The following EED variants were observed in gnomAD, a reference collection of about 807,000 sequenced individuals.
EED encodes the protein polycomb protein EED.
In EED, 9 loss-of-function variants were observed where a neutral mutation model predicts 61.0. The observed-to-expected ratio is 0.15, with a 90% CI of 0.09 to 0.26. EED has a LOEUF of 0.26. EED is among the 10% of genes least tolerant of loss of function. The pLI is 1.00. For missense variants in EED, 315 were observed against 542.3 expected, an observed-to-expected ratio of 0.58 and a Z score of 4.16; for synonymous variants, 187 against 174.4, an observed-to-expected ratio of 1.07 and a Z score of -0.57.
In EED at chr11:86,261,115, G is replaced by C. The variant is rs113200901; in HGVS notation, c.635-3057G>C. ...AAATTCAAATCCTCAATCAGATATG[G>C]GTGAGACTCAAGGCAGGATTCCTGC... On this transcript the variant is annotated intron_variant, in intron 6 of 11. Transcript: ENST00000263360. 4.4e-3 allele frequency among the ~76,000 whole-genome samples: 675 copies of C among 152,142 alleles called. 4 individuals are homozygous for C. Among genetic ancestry groups the C allele is most frequent in the Non-Finnish European group, 7.3e-3 (496 of 67,990 alleles).
chr11:86,249,120 T>A (rs1388809208), intron 1 of EED, among the ~76,000 whole-genome samples: 1 of 152,204 alleles, frequency 6.6e-6, no homozygotes, highest in African/African-American at 2.4e-5. Flanking sequence ...TTTCTACGTT[T>A]GATGTTAATT....
rs578160736 is a variant in EED at position 86,257,243 on chromosome 11, G to T, written c.553-272G>T. Among the ~76,000 whole-genome samples the T allele has an allele frequency of 1.2e-4, 18 of 149,504 alleles. No individual in the cohort carries two copies. In the South Asian group the frequency reaches 3.8e-3, roughly 32 times the overall value. On this transcript the variant is annotated intron_variant, in intron 5 of 11. Transcript: ENST00000263360. ...TATGAAGATAGGGTCTTGCTGCATT[G>T]CTCTGACTGGTCTTGAACTCCTGAC...
Position 86,244,965 on chromosome 11 carries a change from G to GCATCATTA in EED, c.-265_-264insCATCATTA. On this transcript the variant is annotated 5_prime_UTR_variant, in exon 1 of 12. Coordinates refer to ENST00000263360, the MANE Select transcript of EED (RefSeq NM_003797.5). Reference sequence around the variant, plus strand: ...GTGTAGACTGCCGGGAGGGCGGCGGGAAAAGGGCAAGACGGGAGTTGGGGA... The same window carrying GCATCATTA: ...GTGTAGACTGCCGGGAGGGCGGCGGGCATCATTAAAAAGGGCAAGACGGGAGTTGGGGA... 1 of 393,294 alleles carries GCATCATTA rather than the reference G, an allele frequency of 2.5e-6. No individual in the cohort carries two copies. Among genetic ancestry groups the GCATCATTA allele is most frequent in the South Asian group, 4.0e-5 (1 of 24,920 alleles). 24.4% of individuals were successfully genotyped at this position (393,294 alleles called of 1,614,324 possible).
intron 5 of EED, among the ~76,000 whole-genome samples, chr11:86,256,951 C>T (rs1275813243): frequency 1.3e-5 from 2 of 152,136 alleles, no homozygotes; most frequent in Non-Finnish European, 2.9e-5. Context: ...GGCTACATCA[C>T]ACTCTCCTGA....
intron 9 of EED, among the ~76,000 whole-genome samples, chr11:86,273,245 A>T (rs1306516220): frequency 6.6e-6 from 1 of 151,886 alleles, no homozygotes; most frequent in Non-Finnish European, 1.5e-5. Context: ...CTGGTCTTAA[A>T]CTCCTGGCCT....
At position 86,245,261 on chromosome 11, in the gene EED, C is replaced by T. The variant is rs745525077; in HGVS notation, c.32C>T (p.Ala11Val). The change falls in exon 1 of 12, where the codon GCG (alanine) becomes GTG (valine). Residue 11 changes from alanine (A) to valine (V), a missense_variant. Physicochemically the swap from Ala to Val is moderately conservative, Grantham distance 64. Around this residue, in one of 2 missense-constraint regions of EED, gnomAD observed 110 missense variants for 86.9 expected, o/e 1.27. Coordinates refer to ENST00000263360, the MANE Select transcript of EED (RefSeq NM_003797.5). ...GAGAGGGAAGTGTCGACTGCGCCGG[C>T]GGGAACAGACATGCCTGCGGCCAAG... The part of the protein sequence containing the change: MSEREVSTAP[A>V]GTDMPAAKKQ... 1.2e-6 allele frequency: 2 copies of T among 1,613,326 alleles called. No individual in the cohort carries two copies. The highest frequency in any genetic ancestry group is 8.5e-7 in the Non-Finnish European group (1 of 1,179,902).
intron 8 of EED, among the ~76,000 whole-genome samples, chr11:86,266,447 A>C (rs946087427): frequency 3.3e-5 from 5 of 152,124 alleles, no homozygotes; most frequent in African/African-American, 1.2e-4. Flanking sequence ...ATCTTAACTT[A>C]GTAGCACATT....
At chr11:86,252,101 G>T in intron 2 of EED, 47 bp from the exon 3 acceptor site, 1 of 1,499,828 alleles carries the variant, frequency 6.7e-7, no homozygotes, top group Non-Finnish European at 9.2e-7. Context: ...TCATTTTCTG[G>T]TTTGTAAGAT....
intron 6 of EED, 119 bp from the exon 7 acceptor site, chr11:86,264,053 A>C (rs765457041): frequency 7.0e-6 from 5 of 712,778 alleles, no homozygotes; most frequent in Non-Finnish European, 9.4e-6. Flanking sequence ...TATGGATTCC[A>C]TTTTTAGGCT....
intron 9 of EED, 62 bp downstream of exon 9, chr11:86,268,623 GTGTA>G (rs1223910657): frequency 2.6e-5 from 27 of 1,050,066 alleles, no homozygotes; most frequent in African/African-American, 9.9e-5. Flanking sequence ...GTGTGTGTGT[GTGTA>G]TGTGTGTGCG....
intron 6 of EED, 34 bp downstream of exon 6, chr11:86,257,630 A>G (rs1293956026): frequency 4.5e-6 from 7 of 1,556,720 alleles, no homozygotes; most frequent in South Asian, 1.2e-5. Context: ...AGTCTGTGCA[A>G]TTTGTCAGAA....
At chr11:86,247,930 T>G (rs1945431471) in intron 1 of EED, among the ~76,000 whole-genome samples, 1 of 152,212 alleles carries the variant, frequency 6.6e-6, no homozygotes, top group Admixed American at 6.5e-5. Context: ...TTATTGAACT[T>G]TTTGAGATCA....
At chr11:86,286,680 T>C in the EED span, among the ~76,000 whole-genome samples, 1 of 151,836 alleles carries the variant, frequency 6.6e-6, no homozygotes, top group African/African-American at 2.4e-5. Flanking sequence ...CAGTAAGAAA[T>C]AGACTATACA....
At chr11:86,267,027 T>C (rs192527254) in intron 8 of EED, among the ~76,000 whole-genome samples, 94 of 152,332 alleles carry the variant, frequency 6.2e-4, no homozygotes, top group Admixed American at 2.0e-3. Flanking sequence ...TTAAAAGTTT[T>C]ACCTTTCTCC....
chr11:86,285,239 G>A, the EED span, among the ~76,000 whole-genome samples: 1 of 152,106 alleles, frequency 6.6e-6, no homozygotes, highest in Non-Finnish European at 1.5e-5. Context: ...AAGCAACATA[G>A]CAAGACGCTG....
chr11:86,262,570 G>T (rs1447772506), intron 6 of EED, among the ~76,000 whole-genome samples: 2 of 151,798 alleles, frequency 1.3e-5, no homozygotes, highest in African/African-American at 4.8e-5. Context: ...GCTGTGAGAC[G>T]ATTCAGCATG....
Position 86,249,262 on chromosome 11 carries a change from G to A in EED, c.115-1034G>A, listed in dbSNP as rs1037588574. ...GTTGAGTACGTACTGCTTGCTACCC[G>A]CCTATTATTTCATTTATGATATTTT... On this transcript the variant is annotated intron_variant, in intron 1 of 11. Coordinates refer to ENST00000263360, the MANE Select transcript of EED (RefSeq NM_003797.5). Among the ~76,000 whole-genome samples the A allele has an allele frequency of 4.0e-4, 61 of 151,458 alleles. 1 individual carries two copies. Among genetic ancestry groups the A allele is most frequent in the Admixed American group, 2.0e-4 (3 of 15,178 alleles).
chr11:86,272,067 T>C, intron 9 of EED, among the ~76,000 whole-genome samples: 1 of 116,558 alleles, frequency 8.6e-6, no homozygotes, highest in Non-Finnish European at 1.8e-5. Flanking sequence ...TTTTTTTTTT[T>C]TTTTTTTTGA....
At chr11:86,271,239 T>C (rs1946103986) in intron 9 of EED, among the ~76,000 whole-genome samples, 2 of 152,224 alleles carry the variant, frequency 1.3e-5, no homozygotes, top group South Asian at 4.1e-4. Context: ...AGCATATAAG[T>C]CCCATTTTTG....
Sources: allele counts gnomAD v4.1 joint callset (sites outside exome capture counted in the v4.1 genomes callset), GRCh38; gene constraint gnomAD v4.1.1; regional missense constraint gnomAD v4.1.1; transcripts MANE v1.5; gene names NCBI Gene and HGNC (gene_info 2026-07-23, HGNC 2026-07-21).